Variants in ASB3 observed in about 807,000 individuals in gnomAD.
ASB3 encodes the protein ankyrin repeat and SOCS box protein 3.
In ASB3, 41 loss-of-function variants were observed where a neutral mutation model predicts 54.5. The ratio of observed to expected loss-of-function variants is 0.75; its 90% confidence interval spans 0.59 to 0.98. The LOEUF (loss-of-function observed/expected upper bound fraction) is 0.98, where lower values mean the gene tolerates loss of function less well. ASB3 is among the 50% of genes least tolerant of loss of function. The pLI is 0.00. For synonymous variants in ASB3, 266 were observed against 221.2 expected (o/e 1.20, Z -1.80); for missense variants, 733 against 620.0 (o/e 1.18, Z -1.94).
At chr2:53,703,288 G>A (rs1669590748) in intron 7 of ASB3, among the ~76,000 whole-genome samples, 1 of 152,136 alleles carries the variant, frequency 6.6e-6, no homozygotes, top group South Asian at 2.1e-4. Context: ...TAGCTCCAAA[G>A]GACAAAAACT....
intron 5 of ASB3, among the ~76,000 whole-genome samples, chr2:53,717,651 A>C (rs1214590449): frequency 6.6e-6 from 1 of 152,208 alleles, no homozygotes; most frequent in Non-Finnish European, 1.5e-5. Context: ...TAGTGACACC[A>C]CTGAAGGATC....
At chr2:53,732,333 AT>A (rs1361363638) in intron 3 of ASB3, among the ~76,000 whole-genome samples, 4 of 152,228 alleles carry the variant, frequency 2.6e-5, no homozygotes, top group Non-Finnish European at 4.4e-5. Context: ...AAATTACCAT[AT>A]TAAAAAAAAG....
At chr2:53,771,869 T>C (rs1673937215) in intron 1 of ASB3, 1 of 1,327,560 alleles carries the variant, frequency 7.5e-7, no homozygotes, top group Non-Finnish European at 1.1e-6. Context: ...ATGAACTTTA[T>C]TAATTCAGAA....
chr2:53,769,576 G>T (rs1229099465), intron 1 of ASB3, among the ~76,000 whole-genome samples: 1 of 152,246 alleles, frequency 6.6e-6, no homozygotes, highest in African/African-American at 2.4e-5. Flanking sequence ...GCCAGGCGTG[G>T]TGGTTCCCGC....
intron 1 of ASB3, among the ~76,000 whole-genome samples, chr2:53,769,374 G>T: frequency 6.6e-6 from 1 of 152,164 alleles, no homozygotes; most frequent in East Asian, 1.9e-4. Context: ...TTTAGCCCAG[G>T]CTCCAATTAT....
chr2:53,703,891 T>A (rs552951617), intron 7 of ASB3, among the ~76,000 whole-genome samples: 8 of 152,306 alleles, frequency 5.3e-5, no homozygotes, highest in African/African-American at 1.2e-4. Context: ...AAAAATAAAA[T>A]TTTTAAACTT....
chr2:53,702,230 A>G (rs1430714564), intron 7 of ASB3, among the ~76,000 whole-genome samples: 1 of 152,210 alleles, frequency 6.6e-6, no homozygotes, highest in Non-Finnish European at 1.5e-5. Context: ...TCCCAAAAAA[A>G]CTACCATTTG....
At chr2:53,681,407 T>G (rs1176281227) in intron 9 of ASB3, among the ~76,000 whole-genome samples, 1 of 152,226 alleles carries the variant, frequency 6.6e-6, no homozygotes, top group East Asian at 1.9e-4. Context: ...TTGTTTTGGT[T>G]GCCTGTGCTT....
In ASB3 at chr2:53,681,419, T is replaced by G. The variant is rs533272533; in HGVS notation, c.1370-10729A>C. Among the ~76,000 whole-genome samples, 27 of 152,312 alleles carry G rather than the reference T, an allele frequency of 1.8e-4. No homozygotes were observed. The South Asian group carries it at 5.6e-3, about 32-fold the overall frequency. ...TTTTTGTTTTGGTTGCCTGTGCTTG[T>G]GGGGTATTTCTCAAGAAACCTTTGC... is the stretch of plus-strand genomic sequence containing the variant. On this transcript the variant is annotated intron_variant, in intron 9 of 9. Coordinates refer to ENST00000263634, the MANE Select transcript of ASB3 (RefSeq NM_016115.5).
At chr2:53,742,786 A>C (rs1001151816) in intron 3 of ASB3, among the ~76,000 whole-genome samples, 7 of 152,138 alleles carry the variant, frequency 4.6e-5, no homozygotes, top group Non-Finnish European at 8.8e-5. Context: ...AAAAATAGAG[A>C]AAAAACAATA....
In ASB3 at chr2:53,750,919, C is replaced by T; in HGVS notation, c.219G>A (p.Lys73=). The change falls in exon 3 of 10, where the codon AAG becomes AAA. Residue 73 remains lysine, a synonymous_variant. Transcript: ENST00000263634. ...INADSSENYI[K]MKTFEGFCAL... ...CACAGAAACCTTCAAAGGTCTTCAT[C>T]TTAATGTAGTTTTCAGATGAATCTG... is the stretch of plus-strand genomic sequence containing the variant. The T allele has an allele frequency of 8.9e-6, 14 of 1,572,488 alleles. No homozygotes were observed. Among genetic ancestry groups the T allele is most frequent in the Non-Finnish European group, 1.2e-5 (14 of 1,161,010 alleles).
intron 8 of ASB3, among the ~76,000 whole-genome samples, chr2:53,698,243 G>C (rs1171497619): frequency 2.0e-5 from 3 of 152,266 alleles, no homozygotes; most frequent in African/African-American, 4.8e-5. Flanking sequence ...CCCTGGGCCT[G>C]TGATGGGAGG....
At chr2:53,695,941 C>A (rs1451125675) in intron 8 of ASB3, among the ~76,000 whole-genome samples, 1 of 152,052 alleles carries the variant, frequency 6.6e-6, no homozygotes, top group East Asian at 1.9e-4. Flanking sequence ...AAGCAACAGA[C>A]CTACATGTGA....
At chr2:53,759,638 T>TGGAACAGGGAAAGGCTGGGCAA (rs1042596174) in intron 2 of ASB3, among the ~76,000 whole-genome samples, 1 of 152,190 alleles carries the variant, frequency 6.6e-6, no homozygotes, top group African/African-American at 2.4e-5. Flanking sequence ...TTGAAGGCTC[T>TGGAACAGGGAAAGGCTGGGCAA]GGAACAGGGA....
intron 1 of ASB3, among the ~76,000 whole-genome samples, chr2:53,780,313 A>C (rs1490056419): frequency 6.6e-6 from 1 of 151,988 alleles, no homozygotes; most frequent in Non-Finnish European, 1.5e-5. Context: ...CACCCTCCTC[A>C]TTCTTTAAGA....
chr2:53,710,753 C>T (rs960325012), intron 7 of ASB3, among the ~76,000 whole-genome samples: 2 of 152,150 alleles, frequency 1.3e-5, no homozygotes, highest in African/African-American at 4.8e-5. Flanking sequence ...CCTTGACTTT[C>T]CTGCTTTAAG....
Position 53,781,373 on chromosome 2 carries a change from T to C in ASB3, c.-14+5448A>G, listed in dbSNP as rs150079147. ...GCTACAATGAGCCAAAACCATGCCATTGCACTCTAGTCTAGGCAACAAAGT... is the reference window on the plus strand; with the variant it reads ...GCTACAATGAGCCAAAACCATGCCACTGCACTCTAGTCTAGGCAACAAAGT... On this transcript the variant is annotated intron_variant, in intron 1 of 9. Transcript: ENST00000263634. Among the ~76,000 whole-genome samples, 1,397 of 151,354 alleles carry C rather than the reference T, an allele frequency of 9.2e-3. 25 individuals carry two copies. Among genetic ancestry groups the C allele is most frequent in the African/African-American group, 0.032 (1,316 of 41,148 alleles).
chr2:53,734,279 A>C (rs951525816), intron 3 of ASB3, among the ~76,000 whole-genome samples: 1 of 152,058 alleles, frequency 6.6e-6, no homozygotes, highest in Non-Finnish European at 1.5e-5. Flanking sequence ...TTTTCTCATC[A>C]TTCCTTCTCT....
Position 53,786,925 on chromosome 2 carries a change from C to G in ASB3, c.-118G>C, listed in dbSNP as rs2104253234. ...TCGATCCCCACCGCGATGCTGCAGC[C>G]GTCCGAAAACGAGAGACGCGCAGGC... is the stretch of plus-strand genomic sequence containing the variant. On this transcript the variant is annotated 5_prime_UTR_variant, in exon 1 of 10. Coordinates refer to ENST00000263634, the MANE Select transcript of ASB3 (RefSeq NM_016115.5). The G allele has an allele frequency of 2.5e-6, 1 of 402,538 alleles. No homozygotes were observed. Among genetic ancestry groups the G allele is most frequent in the South Asian group, 5.5e-5 (1 of 18,028 alleles). 24.9% of individuals were successfully genotyped at this position (402,538 alleles called of 1,614,324 possible). A position where few individuals can be genotyped will look rare whatever the true frequency, so the allele number is the denominator to read the frequency against.
Sources: gnomAD v4.1 joint callset for allele counts (sites outside exome capture counted in the v4.1 genomes callset) on GRCh38, gnomAD v4.1.1 for gene constraint, MANE v1.5 for transcripts, NCBI Gene and HGNC (gene_info 2026-07-23, HGNC 2026-07-21) for gene names.